KDM4C: variants seen among roughly 807,000 people sequenced by gnomAD.
KDM4C encodes lysine demethylase 4C, also known as lysine-specific demethylase 4C.
KDM4C carries 81 observed loss-of-function variants against 129.3 expected under a neutral mutation model. The observed-to-expected ratio is 0.63, with a 90% confidence interval of 0.52 to 0.75. The LOEUF is 0.75. Ranked by LOEUF, KDM4C falls within the 30% of genes least tolerant of loss-of-function variation. The pLI, the probability that KDM4C is intolerant of heterozygous loss-of-function variation, is 0.00. For missense variants in KDM4C, 1,457 were observed against 1,304.0 expected, an observed-to-expected ratio of 1.12 and a Z score of -1.81; for synonymous variants, 573 against 456.1, an observed-to-expected ratio of 1.26 and a Z score of -3.26.
At chr9:6,974,580 A>G (rs886664979) in intron 8 of KDM4C, among the ~76,000 whole-genome samples, 3 of 151,980 alleles carry the variant, frequency 2.0e-5, no homozygotes, top group African/African-American at 7.3e-5. Context: ...CTGGTCTCAA[A>G]CTCCTGACCT....
chr9:6,943,710 G>A (rs1176484088), intron 8 of KDM4C, among the ~76,000 whole-genome samples: 2 of 152,018 alleles, frequency 1.3e-5, no homozygotes, highest in African/African-American at 4.8e-5. Flanking sequence ...ATAATTATCT[G>A]CCCCAGTGGA....
At chr9:7,117,453 CA>C (rs1839028142) in intron 18 of KDM4C, among the ~76,000 whole-genome samples, 3 of 152,110 alleles carry the variant, frequency 2.0e-5, no homozygotes, top group Admixed American at 2.0e-4. Flanking sequence ...AGTGTCCCAT[CA>C]GACGTCATTT....
intron 17 of KDM4C, among the ~76,000 whole-genome samples, chr9:7,055,434 G>A (rs931075060): frequency 1.3e-5 from 2 of 152,208 alleles, no homozygotes; most frequent in Non-Finnish European, 2.9e-5. Context: ...TTCTCTGAGT[G>A]AAGAACATTA....
Position 6,965,398 on chromosome 9 carries a change from C to G in KDM4C, c.922-15527C>G, listed in dbSNP as rs150117966. ...ATTATATAAAGTGAGGACAGTAGTG[C>G]TAATTGATATTATGTGACATTTATC... On this transcript the variant is annotated intron_variant, in intron 8 of 21. Coordinates refer to ENST00000381309, the MANE Select transcript of KDM4C (RefSeq NM_015061.6). Among the ~76,000 whole-genome samples the G allele has an allele frequency of 1.8e-3, 279 of 151,998 alleles. 2 individuals carry two copies. The highest frequency in any genetic ancestry group is 0.01 in the Middle Eastern group (3 of 294).
Position 6,758,129 on chromosome 9 carries a change from T to C in KDM4C, c.-92T>C, listed in dbSNP as rs1336241123. Reference sequence around the variant, plus strand: ...GAACAAGTCTCCCAAATTTCCCAAATCTCCCTGGGCCGGAGGCCACTGTCT... The same window carrying C: ...GAACAAGTCTCCCAAATTTCCCAAACCTCCCTGGGCCGGAGGCCACTGTCT... On this transcript the variant is annotated 5_prime_UTR_variant, in exon 1 of 22. Coordinates refer to ENST00000381309, the MANE Select transcript of KDM4C (RefSeq NM_015061.6). This position sits in a 1 kb window ranked among gnomAD's most constrained non-coding sequence, Gnocchi z 4.6. The C allele has an allele frequency of 1.0e-6, 1 of 985,268 alleles. No homozygotes were observed. The highest frequency in any genetic ancestry group is 1.2e-6 in the Non-Finnish European group (1 of 830,024). The allele number at this position is 985,268 out of a possible 1,614,324, so 61.0% of individuals were successfully genotyped here. A position where few individuals can be genotyped will look rare whatever the true frequency, so the allele number is the denominator to read the frequency against.
In KDM4C at chr9:7,168,913, C is replaced by T. The variant is rs4740873; in HGVS notation, c.2902-885C>T. On this transcript the variant is annotated intron_variant, in intron 20 of 21. Transcript: ENST00000381309. ...AAAATAAAATAGCTGGGCGTTGTGG[C>T]ACACAGCTATGGTTCCAGCTTCTCA... Among the ~76,000 whole-genome samples the T allele has an allele frequency of 3.7e-3, 569 of 152,132 alleles. 2 individuals carry two copies. Among genetic ancestry groups the T allele is most frequent in the South Asian group, 6.0e-3 (29 of 4,824 alleles).
intron 5 of KDM4C, among the ~76,000 whole-genome samples, chr9:6,862,834 A>G (rs1387668138): frequency 2.0e-5 from 3 of 151,370 alleles, no homozygotes. Context: ...AAACAAACAA[A>G]CAAACAAAAA....
In KDM4C at chr9:6,859,199, C is replaced by T. The variant is rs532871998; in HGVS notation, c.629+9499C>T. On this transcript the variant is annotated intron_variant, in intron 5 of 21. Transcript: ENST00000381309. Reference sequence around the variant, plus strand: ...ACTGTTAGAAATCATCTCTGGTGGCCGGGTACGGTGGTTCATGCCTATAAT... The same window carrying T: ...ACTGTTAGAAATCATCTCTGGTGGCTGGGTACGGTGGTTCATGCCTATAAT... Among the ~76,000 whole-genome samples, 20 of 152,162 alleles carry T rather than the reference C, an allele frequency of 1.3e-4. No individual in the cohort carries two copies. In the South Asian group the frequency reaches 3.3e-3, roughly 25 times the overall value.
chr9:7,023,078 T>G (rs79387873), intron 15 of KDM4C, among the ~76,000 whole-genome samples: 13,572 of 152,198 alleles, frequency 0.089, 763 homozygotes, highest in East Asian at 0.18. Context: ...TCTGCATCAG[T>G]GTTCATCAGG....
intron 1 of KDM4C, among the ~76,000 whole-genome samples, chr9:6,724,993 C>T (rs549673286): frequency 3.9e-5 from 6 of 152,114 alleles, no homozygotes; most frequent in East Asian, 1.9e-4. Context: ...GGGGGAGGAT[C>T]GGTTTCCTTG....
At chr9:6,788,350 T>A (rs1475872655) in intron 1 of KDM4C, among the ~76,000 whole-genome samples, 1 of 152,192 alleles carries the variant, frequency 6.6e-6, no homozygotes, top group Non-Finnish European at 1.5e-5. Context: ...TTCCTCTGCC[T>A]AGGGAAATGC....
chr9:7,116,998 T>G (rs1838972161), intron 18 of KDM4C, among the ~76,000 whole-genome samples: 1 of 152,226 alleles, frequency 6.6e-6, no homozygotes, highest in South Asian at 2.1e-4. Context: ...TTACACGTAG[T>G]ACATTATGTC....
chr9:7,110,970 GC>G (rs544318277), intron 18 of KDM4C, among the ~76,000 whole-genome samples: 2 of 152,168 alleles, frequency 1.3e-5, no homozygotes, highest in Non-Finnish European at 2.9e-5. Flanking sequence ...ACTTTAGACT[GC>G]CTTAAAACTG....
chr9:7,120,490 G>A (rs13298169), intron 18 of KDM4C, among the ~76,000 whole-genome samples: 1 of 152,164 alleles, frequency 6.6e-6, no homozygotes, highest in Non-Finnish European at 1.5e-5. Flanking sequence ...CTGTCCCTTA[G>A]AGGTGGCTTA....
intron 1 of KDM4C, among the ~76,000 whole-genome samples, chr9:6,769,661 C>T (rs994240017): frequency 6.6e-6 from 1 of 152,094 alleles, no homozygotes. Flanking sequence ...GACGTCAGTA[C>T]TCAAAGAGTT....
intron 8 of KDM4C, among the ~76,000 whole-genome samples, chr9:6,907,895 A>T (rs1818608362): frequency 6.6e-6 from 1 of 152,220 alleles, no homozygotes; most frequent in South Asian, 2.1e-4. Context: ...TGTATCATGG[A>T]CTATGGTACT....
intron 5 of KDM4C, among the ~76,000 whole-genome samples, chr9:6,866,937 A>G (rs970948785): frequency 8.2e-5 from 12 of 146,750 alleles, no homozygotes; most frequent in Non-Finnish European, 1.8e-4. Context: ...AAATGTATGT[A>G]AAAATGTATA....
At chr9:6,951,780 A>T (rs1030637570) in intron 8 of KDM4C, among the ~76,000 whole-genome samples, 1 of 152,224 alleles carries the variant, frequency 6.6e-6, no homozygotes, top group Admixed American at 6.5e-5. Context: ...TTATAATTAA[A>T]AGAGAAAAAT....
In KDM4C at chr9:6,744,756, C is replaced by G. The variant is rs189348279; in HGVS notation, c.49+23759C>G. Among the ~76,000 whole-genome samples, 230 of 151,936 alleles carry G rather than the reference C, an allele frequency of 1.5e-3. 3 individuals carry two copies. Among genetic ancestry groups the G allele is most frequent in the Non-Finnish European group, 2.5e-3 (167 of 67,986 alleles). On this transcript the variant is annotated intron_variant, in intron 1 of 17. Transcript: ENST00000536108. ...TGTCCTTGTTGGAGGTTTGGGCACA[C>G]AGACTCCAGGAGTGGTGTGCTCCAG... is the stretch of plus-strand genomic sequence containing the variant.
Sources: allele counts gnomAD v4.1 joint callset (sites outside exome capture counted in the v4.1 genomes callset), GRCh38; gene constraint gnomAD v4.1.1; non-coding constraint Gnocchi (gnomAD v3.1); transcripts MANE v1.5; gene names NCBI Gene and HGNC (gene_info 2026-07-23, HGNC 2026-07-21).